RCOR1: variants seen among roughly 807,000 people sequenced by gnomAD.
RCOR1 encodes REST corepressor 1, also known as REST corepressor.
A neutral mutation model predicts 64.0 loss-of-function variants in RCOR1; 12 were observed. The observed-to-expected ratio is 0.19, with a 90% CI of 0.12 to 0.30. RCOR1 has a LOEUF of 0.30. Ranked by LOEUF, RCOR1 falls within the 10% of genes least tolerant of loss-of-function variation. The pLI is 1.00. For missense variants in RCOR1, 502 were observed against 621.2 expected, an observed-to-expected ratio of 0.81 and a Z score of 2.04; for synonymous variants, 279 against 227.2, an observed-to-expected ratio of 1.23 and a Z score of -2.05.
intron 8 of RCOR1, among the ~76,000 whole-genome samples, chr14:102,718,080 T>C (rs1206169292): frequency 6.6e-6 from 1 of 152,186 alleles, no homozygotes; most frequent in Non-Finnish European, 1.5e-5. Flanking sequence ...TTTATTTTTC[T>C]CAAATGGCAA....
At chr14:102,689,367 G>A (rs888772865) in intron 3 of RCOR1, among the ~76,000 whole-genome samples, 3 of 152,024 alleles carry the variant, frequency 2.0e-5, no homozygotes, top group Non-Finnish European at 4.4e-5. Context: ...GAACTAGAGG[G>A]GAAGCTCGGG....
intron 2 of RCOR1, among the ~76,000 whole-genome samples, chr14:102,608,371 G>C (rs1893559463): frequency 6.6e-6 from 1 of 152,140 alleles, no homozygotes. Context: ...GTTGAAGCTT[G>C]AGTCAGTATT....
intron 2 of RCOR1, among the ~76,000 whole-genome samples, chr14:102,645,205 T>C (rs548451834): frequency 1.3e-5 from 2 of 152,262 alleles, no homozygotes; most frequent in South Asian, 4.1e-4. Flanking sequence ...CCCTGTTGTT[T>C]GATGGAGAGG....
At chr14:102,593,418 T>G (rs1893175849) in intron 2 of RCOR1, 93 bp downstream of exon 2, 1 of 1,323,852 alleles carries the variant, frequency 7.6e-7, no homozygotes, top group South Asian at 1.5e-5. Context: ...CCGACAACTT[T>G]CTTTTTGTGC....
chr14:102,675,164 G>A (rs1016306141), intron 2 of RCOR1, among the ~76,000 whole-genome samples: 1 of 149,260 alleles, frequency 6.7e-6, no homozygotes, highest in Non-Finnish European at 1.5e-5. Flanking sequence ...TATTTTCATT[G>A]TATTTATATT....
intron 3 of RCOR1, among the ~76,000 whole-genome samples, chr14:102,696,274 A>C (rs1409325170): frequency 2.6e-5 from 4 of 152,158 alleles, no homozygotes; most frequent in Admixed American, 2.0e-4. Flanking sequence ...AGTTTAATTC[A>C]GTACATGCTT....
intron 6 of RCOR1, chr14:102,710,604 T>A (rs1222061893): frequency 4.3e-6 from 1 of 232,782 alleles, no homozygotes; most frequent in Non-Finnish European, 8.3e-6. Flanking sequence ...TAGATAATTA[T>A]GAGAAAATAA....
intron 2 of RCOR1, among the ~76,000 whole-genome samples, chr14:102,636,621 G>A (rs1009811986): frequency 6.6e-6 from 1 of 151,970 alleles, no homozygotes; most frequent in African/African-American, 2.4e-5. Context: ...ATTCTTCTTT[G>A]AGTATTCTCT....
chr14:102,712,780 G>A (rs1895987217), intron 7 of RCOR1, among the ~76,000 whole-genome samples: 6 of 151,432 alleles, frequency 4.0e-5, no homozygotes, highest in Admixed American at 3.9e-4. Context: ...GATTGTTTGG[G>A]AAATCAAATT....
At chr14:102,651,590 A>G (rs1351239617) in intron 2 of RCOR1, among the ~76,000 whole-genome samples, 1 of 152,026 alleles carries the variant, frequency 6.6e-6, no homozygotes, top group Admixed American at 6.6e-5. Flanking sequence ...ATTTGAAAAT[A>G]GCTTGAGAGA....
intron 2 of RCOR1, chr14:102,657,945 G>A (rs116780532): frequency 0.12 from 113,765 of 980,898 alleles, 6,811 homozygotes; most frequent in Non-Finnish European, 0.12. Flanking sequence ...TTCTTTATGA[G>A]GGGTGTTCTT....
rs201997281 is a variant in RCOR1, at chr14:102,632,611, A to ATCCTTTCCTTTCCTTTCCTTTCCTT, written c.361+39333_361+39357dup. 2.8e-5 allele frequency among the ~76,000 whole-genome samples: 3 copies of ATCCTTTCCTTTCCTTTCCTTTCCTT among 108,006 alleles called. 1 individual carries two copies. The highest frequency in any genetic ancestry group is 5.9e-4 in the East Asian group (2 of 3,418). 70.9% of individuals were successfully genotyped at this position (108,006 alleles called of 152,430 possible). ...TCAAGACTGATTTTGACTGCATGCT[A>ATCCTTTCCTTTCCTTTCCTTTCCTT]TCCTTTCCTTTCCTTTCCTTTCCTT... On this transcript the variant is annotated intron_variant, in intron 2 of 11. Transcript: ENST00000262241.
At chr14:102,709,180 C>A (rs996294083) in intron 6 of RCOR1, among the ~76,000 whole-genome samples, 14 of 152,220 alleles carry the variant, frequency 9.2e-5, no homozygotes, top group Non-Finnish European at 1.3e-4. Context: ...ATTCCACTTA[C>A]ATGCCACAGG....
chr14:102,718,269 GGC>G (rs1450417091), intron 8 of RCOR1, among the ~76,000 whole-genome samples: 2 of 152,006 alleles, frequency 1.3e-5, no homozygotes, highest in African/African-American at 4.8e-5. Flanking sequence ...CTGCATTCAG[GGC>G]AGTATGAAGA....
chr14:102,692,368 C>G (rs1895551533), intron 3 of RCOR1, among the ~76,000 whole-genome samples: 1 of 151,828 alleles, frequency 6.6e-6, no homozygotes, highest in African/African-American at 2.4e-5. Context: ...CCTTAGAAAA[C>G]ACTTGCTGAA....
intron 2 of RCOR1, among the ~76,000 whole-genome samples, chr14:102,639,517 ATTT>A (rs1304524108): frequency 1.5e-5 from 2 of 132,858 alleles, no homozygotes; most frequent in Non-Finnish European, 3.3e-5. Context: ...TTATTTATTT[ATTT>A]ATTTATTTAT....
At chr14:102,657,334 G>A (rs1894747870) in intron 2 of RCOR1, 1 of 985,066 alleles carries the variant, frequency 1.0e-6, no homozygotes, top group Non-Finnish European at 1.2e-6. Flanking sequence ...ATGGCATACT[G>A]GTTCATTTAA....
In RCOR1 at chr14:102,727,950, T is replaced by A. The variant is rs967048169; in HGVS notation, c.*1444T>A. On this transcript the variant is annotated 3_prime_UTR_variant, in exon 12 of 12. Transcript: ENST00000262241. ...AAGTCGCTTTTGTTGTTGTTGTTGT[T>A]GTTTGCATCATTTGGATTTTTTTCC... is the stretch of plus-strand genomic sequence containing the variant. The A allele has an allele frequency of 5.2e-5, 8 of 152,630 alleles. No individual in the cohort carries two copies. Among genetic ancestry groups the A allele is most frequent in the Admixed American group, 2.6e-4 (4 of 15,284 alleles). The allele number at this position is 152,630 out of a possible 1,614,324, so 9.5% of individuals were successfully genotyped here.
chr14:102,715,020 C>T (rs1332683474), intron 8 of RCOR1, among the ~76,000 whole-genome samples: 1 of 151,742 alleles, frequency 6.6e-6, no homozygotes, highest in Non-Finnish European at 1.5e-5. Context: ...CCCTCAGCAA[C>T]TCCACCCCTC....
Sources: allele counts gnomAD v4.1 joint callset (sites outside exome capture counted in the v4.1 genomes callset), GRCh38; gene constraint gnomAD v4.1.1; transcripts MANE v1.5; gene names NCBI Gene and HGNC (gene_info 2026-07-23, HGNC 2026-07-21).